Variants in USP47 observed in about 807,000 individuals in gnomAD.
USP47 encodes the protein ubiquitin carboxyl-terminal hydrolase 47.
Under a neutral mutation model 165.1 loss-of-function variants are expected in USP47, and 35 were observed. The ratio of observed to expected loss-of-function variants is 0.21; its 90% CI spans 0.16 to 0.28. USP47 has a LOEUF of 0.28. Ranked by LOEUF, USP47 falls within the 10% of genes least tolerant of loss-of-function variation. The pLI, the probability that USP47 is intolerant of heterozygous loss-of-function variation, is 1.00. For missense variants in USP47, 1,277 were observed against 1,607.4 expected, an observed-to-expected ratio of 0.79 and a Z score of 3.52; for synonymous variants, 531 against 544.5, an observed-to-expected ratio of 0.98 and a Z score of 0.35.
In USP47 at chr11:11,924,844, G is replaced by A. The variant is rs184086197; in HGVS notation, c.1386+1953G>A. Among the ~76,000 whole-genome samples, 6 of 152,036 alleles carry A rather than the reference G, an allele frequency of 3.9e-5. No homozygotes were observed. The East Asian group carries it at 5.8e-4, about 15-fold the overall frequency. ...ATTTCGGATACTGGCAATTTGTGTC[G>A]TCTTTTTAATCTCGGTTAGCCTAAT... On this transcript the variant is annotated intron_variant, in intron 11 of 27. Coordinates refer to ENST00000527733, the MANE Select transcript of USP47 (RefSeq NM_001282659.2).
chr11:11,942,038 GAAGGATATAT>G (rs1855508499), intron 19 of USP47, among the ~76,000 whole-genome samples: 1 of 152,096 alleles, frequency 6.6e-6, no homozygotes, highest in Non-Finnish European at 1.5e-5. Flanking sequence ...TTCCTAAAGA[GAAGGATATAT>G]AATACACAAC....
intron 1 of USP47, among the ~76,000 whole-genome samples, chr11:11,877,788 TTTCTC>T (rs1850536807): frequency 1.1e-5 from 1 of 91,764 alleles, no homozygotes; most frequent in African/African-American, 4.5e-5. Context: ...TCTCTCTCTC[TTTCTC>T]TCTCTCTCTC....
At chr11:11,858,692 T>A (rs1849203887) in intron 1 of USP47, among the ~76,000 whole-genome samples, 1 of 152,218 alleles carries the variant, frequency 6.6e-6, no homozygotes, top group African/African-American at 2.4e-5. Flanking sequence ...GGGTAGGAAT[T>A]TTTTCACCTA....
Position 11,959,335 on chromosome 11 carries a change from G to T in USP47, c.*3160G>T, listed in dbSNP as rs528608199. The T allele has an allele frequency of 6.6e-6, 1 of 152,270 alleles. No homozygotes were observed. The highest frequency in any genetic ancestry group is 2.1e-4 in the South Asian group (1 of 4,830). 9.4% of individuals were successfully genotyped at this position (152,270 alleles called of 1,614,324 possible). On this transcript the variant is annotated 3_prime_UTR_variant, in exon 28 of 28. Transcript: ENST00000527733. ...AACTATTCCATCTTAACAATTCTGTGTAATTTTTGAAAAACATCAACATTT... is the reference window on the plus strand; with the variant it reads ...AACTATTCCATCTTAACAATTCTGTTTAATTTTTGAAAAACATCAACATTT...
chr11:11,858,560 C>G (rs1849195990), intron 1 of USP47, among the ~76,000 whole-genome samples: 1 of 152,178 alleles, frequency 6.6e-6, no homozygotes, highest in Admixed American at 6.5e-5. Flanking sequence ...TCTGTCGTCT[C>G]TTGTAATCAG....
chr11:11,851,109 G>A (rs1158436225), intron 1 of USP47, among the ~76,000 whole-genome samples: 3 of 152,176 alleles, frequency 2.0e-5, no homozygotes, highest in Non-Finnish European at 1.5e-5. Flanking sequence ...TTTCTTTTGT[G>A]CTGGATTGTT....
intron 19 of USP47, among the ~76,000 whole-genome samples, chr11:11,941,111 A>G (rs1369136021): frequency 1.1e-4 from 17 of 151,814 alleles, no homozygotes; most frequent in Admixed American, 1.1e-3. Context: ...CATTTTTCAT[A>G]TGTGTTTTTA....
intron 8 of USP47, among the ~76,000 whole-genome samples, chr11:11,917,042 A>G (rs1853474276): frequency 6.6e-6 from 1 of 151,888 alleles, no homozygotes; most frequent in South Asian, 2.1e-4. Context: ...GGTCCTAACT[A>G]TTCAGGAGGC....
chr11:11,901,669 G>A (rs1215271752), intron 5 of USP47, among the ~76,000 whole-genome samples: 3 of 152,006 alleles, frequency 2.0e-5, no homozygotes, highest in African/African-American at 4.8e-5. Flanking sequence ...TTCAAAAAAA[G>A]GGAAGTAGGC....
Position 11,952,812 on chromosome 11 carries a change from T to C in USP47, c.3655T>C (p.Leu1219=), listed in dbSNP as rs763675479. 1.2e-6 allele frequency: 2 copies of C among 1,613,128 alleles called. No individual in the cohort carries two copies. The highest frequency in any genetic ancestry group is 2.2e-5 in the South Asian group (2 of 91,016). The stretch of plus-strand genomic sequence containing the variant: ...ACGGTGGAAGCCTTCAGAGATGAAG[T>C]TGGATCCCTTCCAGGAGGTTGTATT... The part of the protein sequence containing the change: ...SRRWKPSEMK[L]DPFQEVVLES... Residue 1219 remains leucine, a synonymous_variant, in exon 25 of 28, where the codon TTG becomes CTG. Coordinates refer to ENST00000527733, the MANE Select transcript of USP47 (RefSeq NM_001282659.2).
At chr11:11,845,139 A>G (rs1848357822) in intron 1 of USP47, among the ~76,000 whole-genome samples, 1 of 152,192 alleles carries the variant, frequency 6.6e-6, no homozygotes, top group Non-Finnish European at 1.5e-5. Flanking sequence ...AACAGCAGAG[A>G]TGAGTAGTTG....
chr11:11,880,482 A>G (rs1564862001), intron 2 of USP47, 102 bp downstream of exon 2: 2 of 899,986 alleles, frequency 2.2e-6, no homozygotes, highest in Non-Finnish European at 2.9e-6. Context: ...ATCATAAACA[A>G]AAGTATAACA....
intron 5 of USP47, among the ~76,000 whole-genome samples, chr11:11,900,266 T>C (rs1852128500): frequency 6.6e-6 from 1 of 150,620 alleles, no homozygotes; most frequent in Non-Finnish European, 1.5e-5. Context: ...TTCATGTTCA[T>C]TCTCCTGCCT....
At chr11:11,929,297 C>A in intron 11 of USP47, 137 bp from the exon 12 acceptor site, 1 of 1,227,982 alleles carries the variant, frequency 8.1e-7, no homozygotes, top group Non-Finnish European at 1.1e-6. Flanking sequence ...TTTGTTTTAC[C>A]TTAGGGGAAA....
intron 19 of USP47, among the ~76,000 whole-genome samples, chr11:11,942,055 C>A (rs1855509482): frequency 6.6e-6 from 1 of 151,986 alleles, no homozygotes; most frequent in Non-Finnish European, 1.5e-5. Flanking sequence ...ATATAATACA[C>A]AACTTTCTGA....
At chr11:11,878,836 A>G (rs1259475669) in intron 1 of USP47, among the ~76,000 whole-genome samples, 4 of 152,184 alleles carry the variant, frequency 2.6e-5, no homozygotes, top group Admixed American at 1.3e-4. Context: ...TATTACTTCA[A>G]CAAACAAAAA....
intron 8 of USP47, among the ~76,000 whole-genome samples, chr11:11,916,855 A>G (rs1200861305): frequency 1.3e-5 from 2 of 152,012 alleles, no homozygotes; most frequent in Non-Finnish European, 2.9e-5. Flanking sequence ...GTAAACTATT[A>G]AAGATGAATT....
intron 1 of USP47, among the ~76,000 whole-genome samples, chr11:11,846,138 C>A (rs1441772558): frequency 6.6e-6 from 1 of 152,080 alleles, no homozygotes; most frequent in Non-Finnish European, 1.5e-5. Flanking sequence ...GCTTTTCACC[C>A]GTTTCATTCT....
In USP47 at chr11:11,929,445, C is replaced by T; in HGVS notation, c.1398C>T (p.Ile466=). 6.2e-7 allele frequency: 1 copy of T among 1,612,524 alleles called. No homozygotes were observed. The highest frequency in any genetic ancestry group is 1.1e-5 in the South Asian group (1 of 90,886). The stretch of plus-strand genomic sequence containing the variant: ...TTTTTTCCCCTTAGAATTCCTTGAT[C>T]TATGAACTTTTCTCTGTTATGGTTC... The part of the protein sequence containing the change: ...SKSGLEKNSL[I]YELFSVMVHS... Residue 466 remains isoleucine (I), a synonymous_variant, in exon 12 of 28, where the codon ATC becomes ATT. Coordinates refer to ENST00000527733, the MANE Select transcript of USP47 (RefSeq NM_001282659.2).
Sources: allele counts gnomAD v4.1 joint callset (sites outside exome capture counted in the v4.1 genomes callset), GRCh38; gene constraint gnomAD v4.1.1; transcripts MANE v1.5; gene names NCBI Gene and HGNC (gene_info 2026-07-23, HGNC 2026-07-21).